DEFB106B: variants seen among roughly 807,000 people sequenced by gnomAD.
DEFB106B encodes the protein defensin beta 106B.
intron 1 of DEFB106B, among the ~76,000 whole-genome samples, 168 bp from the exon 2 acceptor site, chr8:7,482,920 T>C (rs1188453809): frequency 1.3e-5 from 2 of 149,648 alleles, no homozygotes; most frequent in African/African-American, 5.0e-5. Flanking sequence ...GATATTTCAG[T>C]CTCATAGTCA....
At chr8:7,484,383 T>A (rs1811406401) in intron 1 of DEFB106B, among the ~76,000 whole-genome samples, 1 of 147,988 alleles carries the variant, frequency 6.8e-6, no homozygotes, top group South Asian at 2.1e-4. Flanking sequence ...GTATATACAC[T>A]ATACTATATA....
At chr8:7,484,167 ATATAT>A (rs1408351206) in intron 1 of DEFB106B, among the ~76,000 whole-genome samples, 67 of 114,928 alleles carry the variant, frequency 5.8e-4, no homozygotes, top group African/African-American at 2.1e-3. Context: ...ATACTATACT[ATATAT>A]TAGTGTATTA....
intron 1 of DEFB106B, among the ~76,000 whole-genome samples, chr8:7,484,890 G>GTA (rs775001136): frequency 0.19 from 14,830 of 77,084 alleles, 905 homozygotes; most frequent in East Asian, 0.3. Flanking sequence ...AAAAAAATAT[G>GTA]TATATATATA....
intron 1 of DEFB106B, among the ~76,000 whole-genome samples, chr8:7,484,195 C>T (rs1333553611): frequency 1.5e-5 from 2 of 134,298 alleles, no homozygotes; most frequent in Admixed American, 7.8e-5. Flanking sequence ...CTAGTATATA[C>T]ACTATACTAT....
chr8:7,484,070 A>G (rs1277982005), intron 1 of DEFB106B, among the ~76,000 whole-genome samples: 2 of 134,954 alleles, frequency 1.5e-5, no homozygotes, highest in Non-Finnish European at 3.1e-5. Flanking sequence ...TATATACTAT[A>G]TTATCATACC....
intron 1 of DEFB106B, among the ~76,000 whole-genome samples, chr8:7,483,782 TG>T (rs1811370151): frequency 7.8e-6 from 1 of 128,904 alleles, no homozygotes. Flanking sequence ...GACTATAGTG[TG>T]GTATTCAGAT....
intron 1 of DEFB106B, among the ~76,000 whole-genome samples, chr8:7,484,888 A>G (rs1406561540): frequency 6.7e-4 from 12 of 17,926 alleles, no homozygotes; most frequent in South Asian, 1.9e-3. Flanking sequence ...AAAAAAAAAT[A>G]TGTATATATA....
intron 1 of DEFB106B, among the ~76,000 whole-genome samples, chr8:7,484,421 A>G (rs1255524907): frequency 6.8e-6 from 1 of 147,594 alleles, no homozygotes; most frequent in East Asian, 2.0e-4. Context: ...TATATACACT[A>G]TACTATATAC....
At chr8:7,484,335 AGT>A (rs1811401452) in intron 1 of DEFB106B, among the ~76,000 whole-genome samples, 1 of 148,602 alleles carries the variant, frequency 6.7e-6, no homozygotes, top group African/African-American at 2.5e-5. Context: ...TGTATGTACT[AGT>A]ATATACACTA....
At chr8:7,482,817 G>C (rs998707442) in intron 1 of DEFB106B, 65 bp from the exon 2 acceptor site, 1 of 1,378,762 alleles carries the variant, frequency 7.3e-7, no homozygotes, top group Non-Finnish European at 9.8e-7. Flanking sequence ...ACCAGATACG[G>C]TTGTATGACT....
intron 1 of DEFB106B, among the ~76,000 whole-genome samples, chr8:7,484,565 T>C: frequency 7.2e-6 from 1 of 138,868 alleles, no homozygotes; most frequent in Non-Finnish European, 1.5e-5. Context: ...CTACTAGTAA[T>C]AATATACTAG....
chr8:7,482,949 A>G (rs1811348929), intron 1 of DEFB106B, among the ~76,000 whole-genome samples, 197 bp from the exon 2 acceptor site: 1 of 149,332 alleles, frequency 6.7e-6, no homozygotes, highest in Non-Finnish European at 1.5e-5. Flanking sequence ...GAAATACCGG[A>G]AAGAATACAT....
At chr8:7,483,192 T>C (rs1283363953) in intron 1 of DEFB106B, among the ~76,000 whole-genome samples, 3 of 105,728 alleles carry the variant, frequency 2.8e-5, no homozygotes, top group Non-Finnish European at 3.9e-5. Flanking sequence ...GATAAAGATA[T>C]AAAAAGAGAA....
intron 1 of DEFB106B, among the ~76,000 whole-genome samples, chr8:7,484,167 A>C (rs909583144): frequency 3.5e-5 from 4 of 114,940 alleles, no homozygotes; most frequent in Admixed American, 2.9e-4. Flanking sequence ...ATACTATACT[A>C]TATATTAGTG....
rs532799757 is a variant in DEFB106B at position 7,483,831 on chromosome 8, T to C, written c.50-1079A>G. Reference sequence around the variant, plus strand: ...GTTTAGTATAGTATCATAGTATAGATTAGTATATACTATAAAAATACTAGT... The same window carrying C: ...GTTTAGTATAGTATCATAGTATAGACTAGTATATACTATAAAAATACTAGT... On this transcript the variant is annotated intron_variant, in intron 1 of 1. Coordinates refer to ENST00000335479, the MANE Select transcript of DEFB106B (RefSeq NM_001040704.2). 9.0e-5 allele frequency among the ~76,000 whole-genome samples: 12 copies of C among 133,810 alleles called. No homozygotes were observed. In the South Asian group the frequency reaches 2.5e-3, roughly 28 times the overall value. 87.8% of individuals were successfully genotyped at this position (133,810 alleles called of 152,430 possible). A position where few individuals can be genotyped will look rare whatever the true frequency, so the allele number is the denominator to read the frequency against.
intron 1 of DEFB106B, among the ~76,000 whole-genome samples, chr8:7,486,102 AG>A (rs1811485588): frequency 6.8e-6 from 1 of 146,794 alleles, no homozygotes; most frequent in South Asian, 2.2e-4. Context: ...TTTGTTAGTG[AG>A]CATGAGATGG....
chr8:7,486,173 C>T (rs3748149), intron 1 of DEFB106B, among the ~76,000 whole-genome samples, 161 bp downstream of exon 1: 18,958 of 136,076 alleles, frequency 0.14, 12 homozygotes, highest in Admixed American at 0.18. Context: ...GACAGCCCCT[C>T]CTAGATAACA....
At chr8:7,483,642 T>G (rs1467001625) in intron 1 of DEFB106B, among the ~76,000 whole-genome samples, 1 of 102,140 alleles carries the variant, frequency 9.8e-6, no homozygotes, top group Non-Finnish European at 1.9e-5. Context: ...TTATCCAGGA[T>G]CAGCACATCA....
intron 1 of DEFB106B, 45 bp from the exon 2 acceptor site, chr8:7,482,797 A>G: frequency 7.3e-7 from 1 of 1,373,732 alleles, no homozygotes; most frequent in Non-Finnish European, 9.8e-7. Context: ...CTTTTCAGAC[A>G]TGTATGTTTA....
Sources: gnomAD v4.1 joint callset for allele counts (sites outside exome capture counted in the v4.1 genomes callset) on GRCh38, gnomAD v4.1.1 for gene constraint, MANE v1.5 for transcripts, NCBI Gene and HGNC (gene_info 2026-07-23, HGNC 2026-07-21) for gene names.